Variants in SLC5A10 observed in about 807,000 individuals in gnomAD.
The protein encoded by SLC5A10 is sodium/mannose cotransporter SLC5A10.
A neutral mutation model predicts 68.9 loss-of-function variants in SLC5A10; 55 were observed. That is an observed-to-expected ratio of 0.80 (90% CI 0.64 to 1.00). SLC5A10 has a LOEUF of 1.00. Ranked by LOEUF, SLC5A10 falls within the 50% of genes least tolerant of loss-of-function variation. SLC5A10 has a pLI of 0.00. For synonymous variants in SLC5A10, 344 were observed against 344.8 expected, an observed-to-expected ratio of 1.00 and a Z score of 0.02; for missense variants, 732 against 819.3, an observed-to-expected ratio of 0.89 and a Z score of 1.30.
chr17:18,952,189 C>T lies in SLC5A10; in HGVS notation c.-17C>T. The T allele has an allele frequency of 6.2e-7, 1 of 1,609,616 alleles. No individual in the cohort carries two copies. The highest frequency in any genetic ancestry group is 1.7e-4 in the Middle Eastern group (1 of 6,056). On this transcript the variant is annotated 5_prime_UTR_variant, in exon 1 of 15. Coordinates refer to ENST00000395645, the MANE Select transcript of SLC5A10 (RefSeq NM_001042450.4). ...CAGTCCCTCGGGCTCATACCTAGTGCCTGCGGCAGGACAGCCATGGCCGCC... is the reference window on the plus strand; with the variant it reads ...CAGTCCCTCGGGCTCATACCTAGTGTCTGCGGCAGGACAGCCATGGCCGCC...
chr17:18,971,669 C>G lies in SLC5A10; in HGVS notation c.846+451C>G. 1 of 1,612,754 alleles carries G rather than the reference C, an allele frequency of 6.2e-7. No individual in the cohort carries two copies. Among genetic ancestry groups the G allele is most frequent in the South Asian group, 1.1e-5 (1 of 91,024 alleles). ...GCTCTGGACGCTGTCAGCAGCAGAG[C>G]GGTACCTAGGGGGTCCTGGGAAGCC... On this transcript the variant is annotated intron_variant, in intron 8 of 14. Coordinates refer to ENST00000395645, the MANE Select transcript of SLC5A10 (RefSeq NM_001042450.4). The surrounding 1 kb of genome is among the most constrained non-coding windows in gnomAD (Gnocchi z 5.5).
intron 9 of SLC5A10, chr17:18,988,518 G>T: frequency 9.1e-6 from 14 of 1,545,064 alleles, no homozygotes; most frequent in Non-Finnish European, 1.2e-5. Flanking sequence ...CCTCTCACAG[G>T]TGCCCACTCT....
intron 9 of SLC5A10, among the ~76,000 whole-genome samples, chr17:18,984,610 T>G (rs970673267): frequency 6.6e-6 from 1 of 152,220 alleles, no homozygotes; most frequent in African/African-American, 2.4e-5. Flanking sequence ...GCTGCTGGTA[T>G]TTCCAGTTTG....
At chr17:19,016,982 TCCTCAC>T (rs1305439962) in intron 11 of SLC5A10, among the ~76,000 whole-genome samples, 1 of 152,072 alleles carries the variant, frequency 6.6e-6, no homozygotes, top group African/African-American at 2.4e-5. Flanking sequence ...CTTCCTGGCC[TCCTCAC>T]CCAGACTCCC....
chr17:18,959,726 A>C (rs1325168600), intron 4 of SLC5A10, 63 bp downstream of exon 4: 6 of 1,499,160 alleles, frequency 4.0e-6, no homozygotes, highest in African/African-American at 1.4e-5. Flanking sequence ...GGTGGTAGTA[A>C]TGGGCAGGAC....
At chr17:19,002,118 CCCT>C (rs57993472) in intron 9 of SLC5A10, among the ~76,000 whole-genome samples, 1 of 152,024 alleles carries the variant, frequency 6.6e-6, no homozygotes, top group Non-Finnish European at 1.5e-5. Flanking sequence ...TTCCTCCTCC[CCCT>C]CCTCCTCCTC....
chr17:18,991,125 A>G (rs2043411335), intron 9 of SLC5A10, among the ~76,000 whole-genome samples: 1 of 152,224 alleles, frequency 6.6e-6, no homozygotes, highest in South Asian at 2.1e-4. Flanking sequence ...GCACAGAGGC[A>G]TTCGCCACCT....
In SLC5A10 at chr17:18,971,912, C is replaced by T. The variant is rs1267715694; in HGVS notation, c.846+694C>T. ...GACCAGTTGGTTTAGTCACTCGATG[C>T]CTCAGTTCCCCTGTCTGTAATATGG... On this transcript the variant is annotated intron_variant, in intron 8 of 14. Coordinates refer to ENST00000395645, the MANE Select transcript of SLC5A10 (RefSeq NM_001042450.4). The surrounding 1 kb of genome is among the most constrained non-coding windows in gnomAD (Gnocchi z 5.5). Among the ~76,000 whole-genome samples the T allele has an allele frequency of 6.6e-6, 1 of 152,214 alleles. No individual in the cohort carries two copies. Among genetic ancestry groups the T allele is most frequent in the Non-Finnish European group, 1.5e-5 (1 of 68,034 alleles).
chr17:19,005,286 T>G (rs1011849609), intron 9 of SLC5A10, among the ~76,000 whole-genome samples: 5 of 152,156 alleles, frequency 3.3e-5, no homozygotes, highest in African/African-American at 1.2e-4. Flanking sequence ...CCCGGACTGC[T>G]TCTGCGTGGC....
chr17:18,988,835 GACA>G (rs1324406459), intron 9 of SLC5A10, among the ~76,000 whole-genome samples: 1 of 152,246 alleles, frequency 6.6e-6, no homozygotes, highest in Non-Finnish European at 1.5e-5. Context: ...CCTGTCAGCT[GACA>G]ACATCTGTCC....
intron 8 of SLC5A10, among the ~76,000 whole-genome samples, chr17:18,974,639 C>T (rs1334850098): frequency 6.6e-6 from 1 of 152,232 alleles, no homozygotes; most frequent in Non-Finnish European, 1.5e-5. Flanking sequence ...CTCCAATGGC[C>T]ACACCCCAAA....
In SLC5A10 at chr17:19,017,213, G is replaced by T. The variant is rs541839453; in HGVS notation, c.1241+2014G>T. The T allele has an allele frequency of 7.2e-6, 10 of 1,385,276 alleles. No homozygotes were observed. In the East Asian group the frequency reaches 2.5e-4, roughly 35 times the overall value. The allele number at this position is 1,385,276 out of a possible 1,614,324, so 85.8% of individuals were successfully genotyped here. On this transcript the variant is annotated intron_variant, in intron 11 of 14. Coordinates refer to ENST00000395645, the MANE Select transcript of SLC5A10 (RefSeq NM_001042450.4). The surrounding 1 kb of genome is among the most constrained non-coding windows in gnomAD (Gnocchi z 5.6). ...TGGGCCCCAGTTCTCTCAGCTGCCA[G>T]CTGGATAGAGCAGAAAGGGCCCCGT...
chr17:19,011,968 A>G (rs1307893105), intron 9 of SLC5A10, among the ~76,000 whole-genome samples: 1 of 151,978 alleles, frequency 6.6e-6, no homozygotes, highest in Non-Finnish European at 1.5e-5. Context: ...CAGAAGTGTC[A>G]ATGCCAGCCG....
chr17:18,973,976 T>G (rs918859272), intron 8 of SLC5A10, among the ~76,000 whole-genome samples: 5 of 139,070 alleles, frequency 3.6e-5, no homozygotes, highest in African/African-American at 1.3e-4. Context: ...CACTGCAACC[T>G]CCGCCTCCTG....
At chr17:18,978,156 CG>C in intron 9 of SLC5A10, 2 of 1,530,560 alleles carry the variant, frequency 1.3e-6, no homozygotes. Flanking sequence ...GGCTTGGGCA[CG>C]GGGGGCAATG....
chr17:18,973,364 A>G (rs570145733), intron 8 of SLC5A10, among the ~76,000 whole-genome samples: 2 of 152,342 alleles, frequency 1.3e-5, no homozygotes, highest in African/African-American at 2.4e-5. Flanking sequence ...AGGCCCAGAG[A>G]GGATCACACA....
intron 1 of SLC5A10, among the ~76,000 whole-genome samples, chr17:18,955,237 G>T (rs1051749084): frequency 1.3e-5 from 2 of 152,096 alleles, no homozygotes; most frequent in East Asian, 3.8e-4. Flanking sequence ...CCATCCATGT[G>T]TAGCTCTGTC....
At chr17:18,997,385 G>A (rs980761530) in intron 9 of SLC5A10, among the ~76,000 whole-genome samples, 5 of 152,218 alleles carry the variant, frequency 3.3e-5, no homozygotes, top group African/African-American at 4.8e-5. Flanking sequence ...ATCCTTTCCC[G>A]CTGGCCGCAA....
intron 1 of SLC5A10, among the ~76,000 whole-genome samples, chr17:18,955,787 G>A (rs1450558997): frequency 6.6e-6 from 1 of 152,242 alleles, no homozygotes; most frequent in Non-Finnish European, 1.5e-5. Context: ...TTCTGAACTG[G>A]GTGTGGTGGT....
Sources: allele counts gnomAD v4.1 joint callset (sites outside exome capture counted in the v4.1 genomes callset), GRCh38; gene constraint gnomAD v4.1.1; non-coding constraint Gnocchi (gnomAD v3.1); transcripts MANE v1.5; gene names NCBI Gene and HGNC (gene_info 2026-07-23, HGNC 2026-07-21).